The following ST6GALNAC3 variants were observed in gnomAD, a reference collection of about 807,000 sequenced individuals.
ST6GALNAC3 encodes alpha-N-acetylgalactosaminide alpha-2,6-sialyltransferase 3.
Under a neutral mutation model 32.7 loss-of-function variants are expected in ST6GALNAC3, and 25 were observed. That is an observed-to-expected ratio of 0.76 (90% CI 0.56 to 1.07). The LOEUF is 1.07. Among genes scored for constraint, ST6GALNAC3 ranks in the 50% least tolerant of loss-of-function variants. The pLI, the probability that ST6GALNAC3 is intolerant of heterozygous loss-of-function variation, is 0.00. For synonymous variants in ST6GALNAC3, 129 were observed against 133.1 expected (o/e 0.97, Z 0.21); for missense variants, 355 against 382.4 (o/e 0.93, Z 0.60).
At chr1:76,476,389 G>A (rs1659357437) in intron 3 of ST6GALNAC3, among the ~76,000 whole-genome samples, 2 of 152,142 alleles carry the variant, frequency 1.3e-5, no homozygotes, top group Admixed American at 6.6e-5. Flanking sequence ...CTCATAGACT[G>A]TAGTTTGCTG....
At chr1:76,260,483 C>A (rs1658165769) in intron 1 of ST6GALNAC3, among the ~76,000 whole-genome samples, 1 of 152,196 alleles carries the variant, frequency 6.6e-6, no homozygotes, top group South Asian at 2.1e-4. Context: ...TCCACTATTT[C>A]ATTCAATCAC....
chr1:76,562,054 A>C (rs939424205), intron 3 of ST6GALNAC3, among the ~76,000 whole-genome samples: 2 of 152,140 alleles, frequency 1.3e-5, no homozygotes, highest in African/African-American at 4.8e-5. Context: ...ACATCTATGG[A>C]GATAGTAGTT....
chr1:76,162,974 C>A (rs1414406), intron 1 of ST6GALNAC3, among the ~76,000 whole-genome samples: 114,255 of 152,116 alleles, frequency 0.75, 44,021 homozygotes, highest in East Asian at 0.93. Context: ...AGCATGCGCT[C>A]TGTTTTGAAG....
intron 1 of ST6GALNAC3, among the ~76,000 whole-genome samples, chr1:76,159,712 A>G (rs1237187248): frequency 1.3e-5 from 2 of 152,244 alleles, no homozygotes; most frequent in Non-Finnish European, 2.9e-5. Context: ...CAGACATGAA[A>G]ACAACTAAGT....
chr1:76,214,680 C>A (rs538364419), intron 1 of ST6GALNAC3, among the ~76,000 whole-genome samples: 1 of 152,268 alleles, frequency 6.6e-6, no homozygotes, highest in Non-Finnish European at 1.5e-5. Context: ...ACAGTAGGTA[C>A]TCAACAAATA....
chr1:76,462,543 A>G (rs536480136), intron 3 of ST6GALNAC3, among the ~76,000 whole-genome samples: 2 of 152,186 alleles, frequency 1.3e-5, no homozygotes, highest in South Asian at 2.1e-4. Flanking sequence ...TTTTAAATGA[A>G]GAGACTAGAA....
At chr1:76,553,483 G>T (rs748953397) in intron 3 of ST6GALNAC3, among the ~76,000 whole-genome samples, 13 of 152,134 alleles carry the variant, frequency 8.5e-5, no homozygotes, top group Non-Finnish European at 1.8e-4. Context: ...CTGGCCATTT[G>T]TCTAAAGACC....
intron 2 of ST6GALNAC3, among the ~76,000 whole-genome samples, chr1:76,398,308 C>A (rs541984858): frequency 6.6e-6 from 1 of 152,198 alleles, no homozygotes; most frequent in Admixed American, 6.5e-5. Flanking sequence ...GTGACTTTTC[C>A]CAATATATTT....
chr1:76,622,977 G>T (rs1648741989), intron 3 of ST6GALNAC3, among the ~76,000 whole-genome samples: 1 of 151,908 alleles, frequency 6.6e-6, no homozygotes, highest in South Asian at 2.1e-4. Context: ...GACAGAGTGT[G>T]CTCAGAAACA....
At chr1:76,566,335 A>C (rs113845339) in intron 3 of ST6GALNAC3, among the ~76,000 whole-genome samples, 1,893 of 152,114 alleles carry the variant, frequency 0.012, 39 homozygotes, top group African/African-American at 0.043. Context: ...CTTCTTCTCT[A>C]CCTCTTTACA....
At chr1:76,538,487 C>T (rs954139105) in intron 3 of ST6GALNAC3, among the ~76,000 whole-genome samples, 29 of 152,142 alleles carry the variant, frequency 1.9e-4, no homozygotes, top group African/African-American at 6.5e-4. Flanking sequence ...TCTCACCACT[C>T]CTATTCAACA....
chr1:76,412,237 ATAC>A lies in ST6GALNAC3; in HGVS notation c.449_451del (p.Thr150del), dbSNP rs1654299304. ...CCTGATTATTTTTTCAAGGAAGCGA[ATAC>A]TACTATTTATGTTATTTGGGGACCT... On this transcript the variant is annotated inframe_deletion, in exon 3 of 5. Transcript: ENST00000328299. The A allele has an allele frequency of 1.2e-6, 2 of 1,613,624 alleles. No homozygotes were observed. Among genetic ancestry groups the A allele is most frequent in the Non-Finnish European group, 1.7e-6 (2 of 1,179,824 alleles).
At chr1:76,133,559 T>A (rs1455311643) in intron 1 of ST6GALNAC3, among the ~76,000 whole-genome samples, 3 of 152,206 alleles carry the variant, frequency 2.0e-5, no homozygotes, top group Non-Finnish European at 4.4e-5. Flanking sequence ...TCCACCTATA[T>A]CCAGAGAGTG....
At chr1:76,286,410 G>C (rs1030212900) in intron 1 of ST6GALNAC3, among the ~76,000 whole-genome samples, 2 of 152,218 alleles carry the variant, frequency 1.3e-5, no homozygotes, top group African/African-American at 2.4e-5. Context: ...GAACAAACCA[G>C]TGGCTCCCCC....
chr1:76,249,284 C>T (rs1450229386), intron 1 of ST6GALNAC3, among the ~76,000 whole-genome samples: 1 of 152,134 alleles, frequency 6.6e-6, no homozygotes, highest in African/African-American at 2.4e-5. Flanking sequence ...AACTGCCAAT[C>T]TACTTTCTGT....
Position 76,243,140 on chromosome 1 carries a change from C to T in ST6GALNAC3, c.19-70665C>T, listed in dbSNP as rs546816735. ...TCTTGTTTCCTGACTTTTTAGTGAT[C>T]GCCATTCTGACTGGTGTGAGTTGGT... On this transcript the variant is annotated intron_variant, in intron 1 of 4. Transcript: ENST00000328299. 1.3e-3 allele frequency among the ~76,000 whole-genome samples: 201 copies of T among 152,172 alleles called. 1 individual carries two copies. Among genetic ancestry groups the T allele is most frequent in the African/African-American group, 4.3e-3 (180 of 41,524 alleles).
chr1:76,344,989 C>A (rs949689201), intron 2 of ST6GALNAC3, among the ~76,000 whole-genome samples: 8 of 152,194 alleles, frequency 5.3e-5, no homozygotes, highest in Admixed American at 1.3e-4. Flanking sequence ...CATGCCCCAT[C>A]AAGTCCTACC....
intron 3 of ST6GALNAC3, among the ~76,000 whole-genome samples, chr1:76,621,754 G>A (rs1339187872): frequency 1.3e-5 from 2 of 151,694 alleles, no homozygotes; most frequent in African/African-American, 4.8e-5. Flanking sequence ...ATGTGCTTTT[G>A]AAAAAAATGA....
chr1:76,433,456 T>C (rs1052495371), intron 3 of ST6GALNAC3, among the ~76,000 whole-genome samples: 5 of 152,200 alleles, frequency 3.3e-5, no homozygotes, highest in African/African-American at 1.2e-4. Flanking sequence ...CTTATAGCAT[T>C]CTGTTTTCTG....
Sources: allele counts gnomAD v4.1 joint callset (sites outside exome capture counted in the v4.1 genomes callset), GRCh38; gene constraint gnomAD v4.1.1; transcripts MANE v1.5; gene names NCBI Gene and HGNC (gene_info 2026-07-23, HGNC 2026-07-21).